FRRS1: variants seen among roughly 807,000 people sequenced by gnomAD.
FRRS1 encodes ferric reductase 1.
FRRS1 carries 51 observed loss-of-function variants against 70.7 expected under a neutral mutation model. The ratio of observed to expected loss-of-function variants is 0.72; its 90% confidence interval spans 0.58 to 0.91. The LOEUF is 0.91. Ranked by LOEUF, FRRS1 falls within the 40% of genes least tolerant of loss-of-function variation. FRRS1 has a pLI of 0.00. For missense variants in FRRS1, 672 were observed against 726.0 expected (o/e 0.93, Z 0.86); for synonymous variants, 225 against 238.7 (o/e 0.94, Z 0.53).
rs1005791691 is a variant in FRRS1, at chr1:99,719,612, T to C, written c.1042A>G (p.Thr348Ala). ...TCTGTCACATCATATTTTTCATAGGTAATCAAAGGTTGCTGAGAGTGCTTG... is the reference window on the plus strand; with the variant it reads ...TCTGTCACATCATATTTTTCATAGGCAATCAAAGGTTGCTGAGAGTGCTTG... ...IYKHSQQPLI[T>A]YEKYDVTDSP... The change falls in exon 10 of 17, where the codon ACC becomes GCC. Residue 348 changes from threonine (T) to alanine (A), a missense_variant. Thr to Ala is a moderately conservative substitution (Grantham distance 58, BLOSUM62 0). Coordinates refer to ENST00000646001, the MANE Select transcript of FRRS1 (RefSeq NM_001361041.2). The C allele has an allele frequency of 1.9e-6, 3 of 1,610,566 alleles. No individual in the cohort carries two copies. Among genetic ancestry groups the C allele is most frequent in the Admixed American group, 3.3e-5 (2 of 59,892 alleles).
chr1:99,708,215 A>C lies in FRRS1; in HGVS notation c.*813T>G, dbSNP rs1206308591. Among the ~76,000 whole-genome samples the C allele has an allele frequency of 6.6e-6, 1 of 152,224 alleles. No individual in the cohort carries two copies. ...TATGTCCAAAAAACTAAACTGAAAAACAGTTTCTAAATAAAGTCCACAGAC... is the reference window on the plus strand; with the variant it reads ...TATGTCCAAAAAACTAAACTGAAAACCAGTTTCTAAATAAAGTCCACAGAC... On this transcript the variant is annotated 3_prime_UTR_variant, in exon 17 of 17. Coordinates refer to ENST00000646001, the MANE Select transcript of FRRS1 (RefSeq NM_001361041.2).
rs921323480 is a variant in FRRS1 at position 99,714,185 on chromosome 1, C to CT, written c.1323+1400dup. Among the ~76,000 whole-genome samples, 1,272 of 140,638 alleles carry CT rather than the reference C, an allele frequency of 9.0e-3. 11 individuals are homozygous for CT. The highest frequency in any genetic ancestry group is 0.024 in the African/African-American group (916 of 38,584). The allele number at this position is 140,638 out of a possible 152,430, so 92.3% of individuals were successfully genotyped here. On this transcript the variant is annotated intron_variant, in intron 12 of 16. Coordinates refer to ENST00000646001, the MANE Select transcript of FRRS1 (RefSeq NM_001361041.2). ...TACAAGAATGGCATGGTCTGGTTTA[C>CT]TTTTTTTTTTTTTTTTGAGGTGGAG... is the stretch of plus-strand genomic sequence containing the variant.
chr1:99,718,345 G>A (rs888536628), intron 10 of FRRS1, among the ~76,000 whole-genome samples: 13 of 151,736 alleles, frequency 8.6e-5, no homozygotes, highest in Admixed American at 2.6e-4. Context: ...TTTGTTTTTT[G>A]GGGGATGGAG....
chr1:99,750,881 AACT>A (rs1656538548), intron 1 of FRRS1, among the ~76,000 whole-genome samples: 1 of 152,176 alleles, frequency 6.6e-6, no homozygotes, highest in African/African-American at 2.4e-5. Context: ...ATAAATAAAA[AACT>A]ACATCTAGGT....
At chr1:99,725,424 C>T (rs1655037769) in intron 9 of FRRS1, among the ~76,000 whole-genome samples, 1 of 152,212 alleles carries the variant, frequency 6.6e-6, no homozygotes, top group African/African-American at 2.4e-5. Context: ...GGGAAAACCC[C>T]ATCCTAGAGC....
At chr1:99,762,051 G>C (rs1476794192) in intron 1 of FRRS1, among the ~76,000 whole-genome samples, 1 of 152,158 alleles carries the variant, frequency 6.6e-6, no homozygotes, top group Non-Finnish European at 1.5e-5. Context: ...TGAAAAGTAT[G>C]GTCTCTGGCC....
chr1:99,758,957 G>A (rs548742913), intron 1 of FRRS1, among the ~76,000 whole-genome samples: 4 of 152,128 alleles, frequency 2.6e-5, no homozygotes, highest in African/African-American at 7.2e-5. Context: ...ACTAGGTTGG[G>A]GCAAAACTCT....
chr1:99,717,340 C>A, intron 11 of FRRS1, 70 bp downstream of exon 11: 1 of 1,002,590 alleles, frequency 1.0e-6, no homozygotes, highest in Non-Finnish European at 1.6e-6. Context: ...TACACACATA[C>A]TTCATATGTT....
chr1:99,758,894 G>A (rs60355644), intron 1 of FRRS1, among the ~76,000 whole-genome samples: 1 of 152,086 alleles, frequency 6.6e-6, no homozygotes, highest in Non-Finnish European at 1.5e-5. Context: ...TGTCTTATGG[G>A]GTTGAGATAA....
chr1:99,707,360 A>G lies in FRRS1; in HGVS notation c.*1668T>C, dbSNP rs972153604. 6.6e-6 allele frequency among the ~76,000 whole-genome samples: 1 copy of G among 152,156 alleles called. No individual in the cohort carries two copies. The highest frequency in any genetic ancestry group is 1.9e-4 in the East Asian group (1 of 5,196). On this transcript the variant is annotated 3_prime_UTR_variant, in exon 17 of 17. Coordinates refer to ENST00000646001, the MANE Select transcript of FRRS1 (RefSeq NM_001361041.2). ...TAGGTTCTCGGGCCAAGCAGAAACT[A>G]TAACATAATCAGAAAGAATACCTAA...
At chr1:99,748,271 A>G (rs534527389) in intron 3 of FRRS1, 1 of 198,418 alleles carries the variant, frequency 5.0e-6, no homozygotes, top group South Asian at 1.4e-4. Flanking sequence ...AAGAAGGACA[A>G]GGGTTTATTA....
intron 7 of FRRS1, among the ~76,000 whole-genome samples, chr1:99,733,665 T>C (rs1655507688): frequency 6.6e-6 from 1 of 152,108 alleles, no homozygotes; most frequent in South Asian, 2.1e-4. Context: ...CAGTGTTATA[T>C]AAAAGGGAAA....
In FRRS1 at chr1:99,708,337, C is replaced by T. The variant is rs989703138; in HGVS notation, c.*691G>A. Among the ~76,000 whole-genome samples the T allele has an allele frequency of 2.6e-5, 4 of 151,930 alleles. No individual in the cohort carries two copies. The highest frequency in any genetic ancestry group is 4.2e-4 in the South Asian group (2 of 4,810). ...ACCATAGGCTGGGCGTGGTGGCTCA[C>T]GCCTGTAATCCCAGCACTTTGGGAA... On this transcript the variant is annotated 3_prime_UTR_variant, in exon 17 of 17. Coordinates refer to ENST00000646001, the MANE Select transcript of FRRS1 (RefSeq NM_001361041.2).
chr1:99,732,455 CAGAT>C (rs1450247422), intron 7 of FRRS1, among the ~76,000 whole-genome samples: 1 of 151,936 alleles, frequency 6.6e-6, no homozygotes, highest in Non-Finnish European at 1.5e-5. Context: ...TTGAGCCAGA[CAGAT>C]AGGTAAAGTG....
At chr1:99,765,810 C>T (rs1447688970) in intron 1 of FRRS1, 1 of 152,214 alleles carries the variant, frequency 6.6e-6, no homozygotes, top group African/African-American at 2.4e-5. Context: ...GAGGCTGAAG[C>T]AGAAGAATCG....
intron 4 of FRRS1, among the ~76,000 whole-genome samples, chr1:99,745,450 G>A (rs560639082): frequency 3.9e-5 from 6 of 152,262 alleles, no homozygotes; most frequent in South Asian, 2.1e-4. Flanking sequence ...TTGGGAGGCC[G>A]AGGCGGGAGG....
chr1:99,748,425 C>T (rs1656397802), intron 3 of FRRS1, 148 bp downstream of exon 3: 2 of 663,592 alleles, frequency 3.0e-6, no homozygotes, highest in Non-Finnish European at 5.2e-6. Flanking sequence ...GTAATACAGT[C>T]ATCTGGAACC....
intron 1 of FRRS1, among the ~76,000 whole-genome samples, chr1:99,763,784 C>T (rs1272956866): frequency 6.6e-6 from 1 of 150,582 alleles, no homozygotes; most frequent in East Asian, 2.0e-4. Flanking sequence ...AGAAGAATCG[C>T]TTGAACCCTG....
intron 1 of FRRS1, among the ~76,000 whole-genome samples, chr1:99,761,032 G>C (rs1657092414): frequency 6.6e-6 from 1 of 151,932 alleles, no homozygotes; most frequent in Non-Finnish European, 1.5e-5. Context: ...AAAACACTGG[G>C]AAAACAAAGT....
Sources: allele counts gnomAD v4.1 joint callset (sites outside exome capture counted in the v4.1 genomes callset), GRCh38; gene constraint gnomAD v4.1.1; transcripts MANE v1.5; gene names NCBI Gene and HGNC (gene_info 2026-07-23, HGNC 2026-07-21).